The following DRAM2 variants were observed in gnomAD, a reference collection of about 807,000 sequenced individuals.
DRAM2 encodes DNA damage-regulated autophagy modulator protein 2.
In DRAM2, 26 loss-of-function variants were observed where a neutral mutation model predicts 33.5. The ratio of observed to expected loss-of-function variants is 0.78; its 90% CI spans 0.57 to 1.08. The LOEUF is 1.08. Ranked by LOEUF, DRAM2 falls within the 50% of genes least tolerant of loss-of-function variation. The pLI is 0.00. For missense variants in DRAM2, 311 were observed against 318.1 expected (o/e 0.98, Z 0.17); for synonymous variants, 98 against 109.5 (o/e 0.89, Z 0.66).
In DRAM2 at chr1:111,130,453, T is replaced by C. The variant is rs944375651; in HGVS notation, c.131+971A>G. On this transcript the variant is annotated intron_variant, in intron 4 of 9. Coordinates refer to ENST00000484310, the MANE Select transcript of DRAM2 (RefSeq NM_001349884.2). The stretch of plus-strand genomic sequence containing the variant: ...GGGCACAGTGGCTCACGCCTGTAAT[T>C]CCAGCACTTTGGGAGGCCAAGGCGG... Among the ~76,000 whole-genome samples, 26 of 152,258 alleles carry C rather than the reference T, an allele frequency of 1.7e-4. 1 individual carries two copies. The highest frequency in any genetic ancestry group is 5.8e-4 in the African/African-American group (24 of 41,556).
chr1:111,138,157 C>G (rs1053486709), intron 2 of DRAM2, among the ~76,000 whole-genome samples: 2 of 152,146 alleles, frequency 1.3e-5, no homozygotes, highest in African/African-American at 4.8e-5. Context: ...GTATGGAGTA[C>G]AACTTTATGT....
At chr1:111,126,767 T>A (rs1049587254) in intron 4 of DRAM2, among the ~76,000 whole-genome samples, 2 of 152,174 alleles carry the variant, frequency 1.3e-5, no homozygotes, top group African/African-American at 4.8e-5. Context: ...CCAGACACCA[T>A]TTCAGAAACG....
rs1649150485 is a variant in DRAM2, at chr1:111,117,462, T to G, written c.*698A>C. On this transcript the variant is annotated 3_prime_UTR_variant, in exon 10 of 10. Coordinates refer to ENST00000484310, the MANE Select transcript of DRAM2 (RefSeq NM_001349884.2). Reference sequence around the variant, plus strand: ...ACCTACAGGTGCCTCTCTCCTTCATTGGTGATTAAAATTTCACGCCAGAGA... The same window carrying G: ...ACCTACAGGTGCCTCTCTCCTTCATGGGTGATTAAAATTTCACGCCAGAGA... 1 of 152,036 alleles carries G rather than the reference T, an allele frequency of 6.6e-6. No homozygotes were observed. The highest frequency in any genetic ancestry group is 2.4e-5 in the African/African-American group (1 of 41,398). The allele number at this position is 152,036 out of a possible 1,614,324, so 9.4% of individuals were successfully genotyped here. A position where few individuals can be genotyped will look rare whatever the true frequency, so the allele number is the denominator to read the frequency against.
intron 3 of DRAM2, among the ~76,000 whole-genome samples, chr1:111,137,311 T>C (rs1355609573): frequency 6.6e-6 from 1 of 151,448 alleles, no homozygotes; most frequent in Non-Finnish European, 1.5e-5. Flanking sequence ...TGGACTGTGC[T>C]GAGTAGTCTT....
intron 2 of DRAM2, chr1:111,139,151 T>C (rs1653937785): frequency 6.6e-6 from 1 of 152,236 alleles, no homozygotes; most frequent in East Asian, 1.9e-4. Context: ...TTAAGTTTTT[T>C]TATAAGCTGC....
rs1217549176 is a variant in DRAM2, at chr1:111,124,968, A to T, written c.200-87T>A. 2.7e-6 allele frequency: 3 copies of T among 1,096,294 alleles called. No homozygotes were observed. In the African/African-American group the frequency reaches 4.9e-5, roughly 18 times the overall value. 67.9% of individuals were successfully genotyped at this position (1,096,294 alleles called of 1,614,324 possible). On this transcript the variant is annotated intron_variant, in intron 5 of 9. Transcript: ENST00000484310. ...TGAAGAGTTCACAAAGGTCACTGCT[A>T]TCCAGAATCACAGATTTTCCTTTTA...
At chr1:111,132,682 C>CTTT (rs4021039) in intron 3 of DRAM2, among the ~76,000 whole-genome samples, 1 of 138,044 alleles carries the variant, frequency 7.2e-6, no homozygotes. Context: ...TTTTCTTCCT[C>CTTT]TTTTTTTTTT....
At chr1:111,132,795 C>T (rs1652370252) in intron 3 of DRAM2, among the ~76,000 whole-genome samples, 1 of 151,730 alleles carries the variant, frequency 6.6e-6, no homozygotes, top group Admixed American at 6.6e-5. Context: ...GATCCTCCCA[C>T]CTCAGCCTCC....
chr1:111,136,733 G>A (rs1016699143), intron 3 of DRAM2, among the ~76,000 whole-genome samples: 1 of 152,078 alleles, frequency 6.6e-6, no homozygotes, highest in Non-Finnish European at 1.5e-5. Flanking sequence ...TAATTCCTCA[G>A]TCACACTACC....
In DRAM2 at chr1:111,130,555, T is replaced by G. The variant is rs1481963124; in HGVS notation, c.131+869A>C. Among the ~76,000 whole-genome samples, 3 of 145,302 alleles carry G rather than the reference T, an allele frequency of 2.1e-5. 1 individual carries two copies. The East Asian group carries it at 6.1e-4, about 30-fold the overall frequency. On this transcript the variant is annotated intron_variant, in intron 4 of 9. Coordinates refer to ENST00000484310, the MANE Select transcript of DRAM2 (RefSeq NM_001349884.2). ...CCCATCTCTACTAAAAATACAAAAA[T>G]TAGGCGTGGTGGTGTGCGCCTGTAA... is the stretch of plus-strand genomic sequence containing the variant.
In DRAM2 at chr1:111,117,261, T is replaced by C. The variant is rs1649107348; in HGVS notation, c.*899A>G. ...TACATCCTATTAAAAAGGCTCAATA[T>C]TTACCTGTTCAAGACTACTTTTACA... On this transcript the variant is annotated 3_prime_UTR_variant, in exon 10 of 10. Transcript: ENST00000484310. The C allele has an allele frequency of 6.6e-6, 1 of 152,154 alleles. No homozygotes were observed. The highest frequency in any genetic ancestry group is 2.1e-4 in the South Asian group (1 of 4,832). The allele number at this position is 152,154 out of a possible 1,614,324, so 9.4% of individuals were successfully genotyped here. A position where few individuals can be genotyped will look rare whatever the true frequency, so the allele number is the denominator to read the frequency against.
chr1:111,133,806 C>T (rs574733640), intron 3 of DRAM2, among the ~76,000 whole-genome samples: 10 of 152,296 alleles, frequency 6.6e-5, no homozygotes, highest in Non-Finnish European at 1.2e-4. Flanking sequence ...TCTAGCACAC[C>T]TTCAGACATT....
In DRAM2 at chr1:111,119,932, C is replaced by G; in HGVS notation, c.545G>C (p.Ser182Thr). Residue 182 changes from serine to threonine, a missense_variant, in exon 8 of 10, where the codon AGT becomes ACT. By Grantham distance (58) the Ser-to-Thr change is moderately conservative. Coordinates refer to ENST00000484310, the MANE Select transcript of DRAM2 (RefSeq NM_001349884.2). ...TTCTAAATCAGTCCCAAAATTGCCACTGTGCAAAACTGATGAGCAAGTCAG... is the reference window on the plus strand; with the variant it reads ...TTCTAAATCAGTCCCAAAATTGCCAGTGTGCAAAACTGATGAGCAAGTCAG... ...SMLTCSSVLH[S>T]GNFGTDLEQK... is the part of the protein sequence containing the mutation. 2 of 1,612,816 alleles carry G rather than the reference C, an allele frequency of 1.2e-6. No homozygotes were observed. Among genetic ancestry groups the G allele is most frequent in the African/African-American group, 1.3e-5 (1 of 74,966 alleles).
At chr1:111,127,275 G>A (rs1651197161) in intron 4 of DRAM2, among the ~76,000 whole-genome samples, 1 of 151,960 alleles carries the variant, frequency 6.6e-6, no homozygotes, top group African/African-American at 2.4e-5. Context: ...ACATACTACA[G>A]GAAAGAGATA....
intron 2 of DRAM2, among the ~76,000 whole-genome samples, chr1:111,138,191 T>C (rs565452799): frequency 1.3e-5 from 2 of 152,356 alleles, no homozygotes; most frequent in African/African-American, 4.8e-5. Flanking sequence ...ATGTACGAAT[T>C]ATCTTGGATT....
rs1397721071 is a variant in DRAM2, at chr1:111,131,539, G to C, written c.16C>G (p.Gln6Glu). The C allele has an allele frequency of 6.2e-7, 1 of 1,613,794 alleles. No homozygotes were observed. The highest frequency in any genetic ancestry group is 1.3e-5 in the African/African-American group (1 of 74,878). MWWFQQGLSFLPSALV... is the reference protein window; with the variant it reads MWWFQEGLSFLPSALV... ...GCTGAAGGAAGGAAACTGAGGCCTT[G>C]CTGAAACCACCACATTTCTAACAGG... is the stretch of plus-strand genomic sequence containing the variant. The change falls in exon 4 of 10, where the codon CAA becomes GAA. Residue 6 changes from glutamine to glutamate, a missense_variant. Coordinates refer to ENST00000484310, the MANE Select transcript of DRAM2 (RefSeq NM_001349884.2).
In DRAM2 at chr1:111,131,457, A is replaced by G; in HGVS notation, c.98T>C (p.Leu33Pro). The change falls in exon 4 of 10, where the codon CTC becomes CCC. Residue 33 changes from leucine to proline, a missense_variant. Coordinates refer to ENST00000484310, the MANE Select transcript of DRAM2 (RefSeq NM_001349884.2). ...FIFSYITAVT[L>P]HHIDPALPYI... ...AGGTAAAGCCGGGTCTATATGGTGG[A>G]GTGTTACTGCAGTAATGTATGAAAA... 1.2e-6 allele frequency: 2 copies of G among 1,614,120 alleles called. No individual in the cohort carries two copies. The highest frequency in any genetic ancestry group is 1.1e-5 in the South Asian group (1 of 91,082).
At chr1:111,123,154 AGGCAGAACTCTATTTGT>A (rs1395736209) in intron 6 of DRAM2, among the ~76,000 whole-genome samples, 1 of 152,204 alleles carries the variant, frequency 6.6e-6, no homozygotes, top group African/African-American at 2.4e-5. Flanking sequence ...TGATTAGGGA[AGGCAGAACTCTATTTGT>A]GGCACAGACA....
At chr1:111,131,394 T>C (rs1652040687) in intron 4 of DRAM2, 30 bp downstream of exon 4, 2 of 1,577,664 alleles carry the variant, frequency 1.3e-6, no homozygotes, top group Non-Finnish European at 1.7e-6. Flanking sequence ...ACATAAAGAG[T>C]CTCCTATACA....
Sources: allele counts gnomAD v4.1 joint callset (sites outside exome capture counted in the v4.1 genomes callset), GRCh38; gene constraint gnomAD v4.1.1; transcripts MANE v1.5; gene names NCBI Gene and HGNC (gene_info 2026-07-23, HGNC 2026-07-21).